Variants in DZIP1 observed in about 807,000 individuals in gnomAD.
The protein encoded by DZIP1 is cilium assembly protein DZIP1.
DZIP1 carries 97 observed loss-of-function variants against 107.6 expected under a neutral mutation model. That is an observed-to-expected ratio of 0.90 (90% CI 0.77 to 1.07). The LOEUF is 1.07. Ranked by LOEUF, DZIP1 falls within the 50% of genes least tolerant of loss-of-function variation. The pLI is 0.00. For missense variants in DZIP1, 1,035 were observed against 1,063.6 expected, an observed-to-expected ratio of 0.97 and a Z score of 0.37; for synonymous variants, 390 against 386.4, an observed-to-expected ratio of 1.01 and a Z score of -0.11.
rs752699825 is a variant in DZIP1, at chr13:95,606,078, GA to G, written c.1421-20del. On this transcript the variant is annotated intron_variant, in intron 13 of 22. Coordinates refer to ENST00000376829, the MANE Select transcript of DZIP1 (RefSeq NM_198968.4). ...GCATTCACTGAAACAGCATAAAAAG[GA>G]AAAACTCAGAGGTTCCATAATTAAA... is the stretch of plus-strand genomic sequence containing the variant. 6.2e-7 allele frequency: 1 copy of G among 1,611,000 alleles called. No homozygotes were observed. Among genetic ancestry groups the G allele is most frequent in the Non-Finnish European group, 8.5e-7 (1 of 1,179,020 alleles).
At chr13:95,610,505 G>A (rs776359229) in intron 12 of DZIP1, among the ~76,000 whole-genome samples, 8 of 151,714 alleles carry the variant, frequency 5.3e-5, no homozygotes, top group East Asian at 1.9e-4. Context: ...AGGGGGACTC[G>A]CTATGTTGCC....
intron 10 of DZIP1, chr13:95,617,906 C>T (rs550603679): frequency 3.5e-5 from 18 of 517,960 alleles, no homozygotes; most frequent in Non-Finnish European, 6.2e-5. Flanking sequence ...AGCCTGGACT[C>T]GGGGATTGAG....
intron 20 of DZIP1, among the ~76,000 whole-genome samples, chr13:95,587,218 C>A (rs533727409): frequency 1.6e-4 from 24 of 152,266 alleles, no homozygotes; most frequent in African/African-American, 5.8e-4. Flanking sequence ...CTCACAGGAA[C>A]CAACAGCGCC....
rs971737218 is a variant in DZIP1 at position 95,584,594 on chromosome 13, C to T, written c.2524+142G>A. ...ATCAGTGAGTTATGCATATCCAATC[C>T]TTATTTAAATAACATAAAGAAAGCA... On this transcript the variant is annotated intron_variant, in intron 22 of 22. Transcript: ENST00000376829. 3.5e-6 allele frequency: 5 copies of T among 1,419,096 alleles called. No homozygotes were observed. In the Admixed American group the frequency reaches 7.8e-5, roughly 22 times the overall value. 87.9% of individuals were successfully genotyped at this position (1,419,096 alleles called of 1,614,324 possible).
At position 95,582,228 on chromosome 13, in the gene DZIP1, G is replaced by A; in HGVS notation, c.*6C>T. 1 of 1,613,276 alleles carries A rather than the reference G, an allele frequency of 6.2e-7. No homozygotes were observed. The highest frequency in any genetic ancestry group is 8.5e-7 in the Non-Finnish European group (1 of 1,179,238). On this transcript the variant is annotated 3_prime_UTR_variant, in exon 23 of 23. Transcript: ENST00000376829. ...GGCTTCTGGAATAATCTTCTGACAT[G>A]TGGAATTAGACATCTGAAGTGTCGC...
intron 21 of DZIP1, 143 bp downstream of exon 21, chr13:95,585,863 T>C: frequency 1.3e-6 from 1 of 746,670 alleles, no homozygotes; most frequent in Non-Finnish European, 2.0e-6. Context: ...AGAAATGCAA[T>C]ACTGAGAACA....
intron 5 of DZIP1, among the ~76,000 whole-genome samples, chr13:95,634,461 T>TA (rs1877565155): frequency 2.6e-5 from 4 of 152,210 alleles, no homozygotes; most frequent in African/African-American, 9.6e-5. Context: ...GCAGGGCCTC[T>TA]AGCTTTCTCC....
chr13:95,598,275 A>T (rs1446324626), intron 15 of DZIP1, among the ~76,000 whole-genome samples: 1 of 152,236 alleles, frequency 6.6e-6, no homozygotes, highest in Non-Finnish European at 1.5e-5. Context: ...ACAGGAAGAT[A>T]TGCAATCCTA....
intron 8 of DZIP1, among the ~76,000 whole-genome samples, chr13:95,623,315 A>G (rs1201568532): frequency 6.6e-6 from 1 of 152,196 alleles, no homozygotes; most frequent in Non-Finnish European, 1.5e-5. Context: ...TCCTCTCCTC[A>G]GTGTAGGCTG....
intron 22 of DZIP1, among the ~76,000 whole-genome samples, chr13:95,584,140 C>T (rs975596034): frequency 2.0e-5 from 3 of 151,806 alleles, no homozygotes; most frequent in Admixed American, 6.6e-5. Flanking sequence ...CCATGCCCAA[C>T]TAATTTTTGT....
chr13:95,597,780 G>A (rs755230926), intron 15 of DZIP1, among the ~76,000 whole-genome samples: 3 of 152,200 alleles, frequency 2.0e-5, no homozygotes, highest in Non-Finnish European at 4.4e-5. Flanking sequence ...CAGAATTTCT[G>A]AGTTGGAAGG....
At position 95,593,941 on chromosome 13, in the gene DZIP1, T is replaced by C; in HGVS notation, c.1680+3A>G. On this transcript the variant is annotated splice_donor_region_variant and intron_variant, in intron 16 of 22. Coordinates refer to ENST00000376829, the MANE Select transcript of DZIP1 (RefSeq NM_198968.4). ...CAAATATTCCAAAAATGAATGAACA[T>C]ACTGCATTAATCCCCAAGGTTTCCA... is the stretch of plus-strand genomic sequence containing the variant. 1 of 1,596,924 alleles carries C rather than the reference T, an allele frequency of 6.3e-7. No homozygotes were observed. The highest frequency in any genetic ancestry group is 1.2e-5 in the South Asian group (1 of 86,740).
chr13:95,592,266 A>G (rs1284055964), intron 16 of DZIP1, among the ~76,000 whole-genome samples: 3 of 152,202 alleles, frequency 2.0e-5, no homozygotes, highest in Non-Finnish European at 4.4e-5. Flanking sequence ...GCATTAGAGA[A>G]AAAAAAGAAT....
chr13:95,625,220 T>C (rs1437826882), intron 7 of DZIP1, among the ~76,000 whole-genome samples: 2 of 152,176 alleles, frequency 1.3e-5, no homozygotes, highest in Non-Finnish European at 2.9e-5. Context: ...TGCCATAATA[T>C]ATAAAATGTA....
In DZIP1 at chr13:95,580,897, G is replaced by C. The variant is rs1421316815; in HGVS notation, c.*1337C>G. The C allele has an allele frequency of 6.6e-6, 1 of 152,150 alleles. No homozygotes were observed. Among genetic ancestry groups the C allele is most frequent in the Non-Finnish European group, 1.5e-5 (1 of 68,036 alleles). The allele number at this position is 152,150 out of a possible 1,614,324, so 9.4% of individuals were successfully genotyped here. On this transcript the variant is annotated 3_prime_UTR_variant, in exon 23 of 23. Coordinates refer to ENST00000376829, the MANE Select transcript of DZIP1 (RefSeq NM_198968.4). ...AAAGTGAGTATATCTGCATGAAATG[G>C]CCCCTATAGGAAGTTGGAAGGATTC...
chr13:95,617,348 T>C (rs1251154972), intron 10 of DZIP1, among the ~76,000 whole-genome samples: 2 of 152,058 alleles, frequency 1.3e-5, no homozygotes, highest in African/African-American at 4.8e-5. Context: ...AACCTGATAG[T>C]CTCAGCCCTT....
At chr13:95,633,402 GCCA>G (rs1877431621) in intron 5 of DZIP1, 81 bp from the exon 6 acceptor site, 1 of 1,212,800 alleles carries the variant, frequency 8.2e-7, no homozygotes, top group Admixed American at 1.8e-5. Flanking sequence ...CAGGTACCTG[GCCA>G]GGCACTGTGG....
At chr13:95,582,924 T>C (rs2044050068) in intron 22 of DZIP1, among the ~76,000 whole-genome samples, 1 of 152,182 alleles carries the variant, frequency 6.6e-6, no homozygotes, top group African/African-American at 2.4e-5. Context: ...AAAGAGTCAC[T>C]CTAATGCCAA....
chr13:95,591,317 G>A (rs529651440), intron 16 of DZIP1, among the ~76,000 whole-genome samples: 4 of 152,226 alleles, frequency 2.6e-5, no homozygotes, highest in East Asian at 1.9e-4. Context: ...ATGAGCCACC[G>A]TGCCCAGCTA....
Sources: allele counts gnomAD v4.1 joint callset (sites outside exome capture counted in the v4.1 genomes callset), GRCh38; gene constraint gnomAD v4.1.1; transcripts MANE v1.5; gene names NCBI Gene and HGNC (gene_info 2026-07-23, HGNC 2026-07-21).